The following BRD3 variants were observed in gnomAD, a reference collection of about 807,000 sequenced individuals.
The protein encoded by BRD3 is bromodomain containing 3, also known as bromodomain-containing protein 3.
In BRD3, 17 loss-of-function variants were observed where a neutral mutation model predicts 66.8. That is an observed-to-expected ratio of 0.25 (90% confidence interval 0.17 to 0.38). BRD3 has a LOEUF of 0.38. Ranked by LOEUF, BRD3 falls within the 10% of genes least tolerant of loss-of-function variation. The pLI is 1.00. For synonymous variants in BRD3, 421 were observed against 393.2 expected, an observed-to-expected ratio of 1.07 and a Z score of -0.84; for missense variants, 713 against 956.1, an observed-to-expected ratio of 0.75 and a Z score of 3.35.
intron 6 of BRD3, 121 bp downstream of exon 6, chr9:134,047,962 G>A (rs1216841500): frequency 6.0e-6 from 8 of 1,342,992 alleles, no homozygotes; most frequent in East Asian, 5.3e-5. Flanking sequence ...TGGAGGGTGC[G>A]CTTCTCCGGC....
intron 8 of BRD3, among the ~76,000 whole-genome samples, 183 bp from the exon 9 acceptor site, chr9:134,040,452 G>T (rs1160635221): frequency 2.0e-5 from 3 of 152,182 alleles, no homozygotes; most frequent in Non-Finnish European, 2.9e-5. Context: ...AGTGAGTCAT[G>T]AGCCCTCTCC....
At chr9:134,034,529 C>T (rs998802771) in intron 11 of BRD3, 172 bp downstream of exon 11, 2 of 924,550 alleles carry the variant, frequency 2.2e-6, no homozygotes, top group Admixed American at 2.8e-5. Flanking sequence ...GTATGACCCC[C>T]AGTGACAGAC....
intron 1 of BRD3, among the ~76,000 whole-genome samples, chr9:134,061,889 G>A (rs1368477168): frequency 6.6e-6 from 1 of 152,158 alleles, no homozygotes; most frequent in Non-Finnish European, 1.5e-5. Flanking sequence ...GAGTCTGTGA[G>A]AAGGGATCCC....
At chr9:134,059,801 T>C (rs1830500037) in intron 1 of BRD3, among the ~76,000 whole-genome samples, 1 of 152,188 alleles carries the variant, frequency 6.6e-6, no homozygotes, top group South Asian at 2.1e-4. Context: ...AGGGGGCTCT[T>C]TGCTGTGCGG....
At position 134,065,060 on chromosome 9, in the gene BRD3, A is replaced by G. The variant is rs113289159; in HGVS notation, c.-114+2885T>C. On this transcript the variant is annotated intron_variant, in intron 1 of 11. Coordinates refer to ENST00000303407, the MANE Select transcript of BRD3 (RefSeq NM_007371.4). ...GCAAGTTCCAAAACCTTTTACGGCAAGAAGCCTTGCATTCTACCATGATTC... is the reference window on the plus strand; with the variant it reads ...GCAAGTTCCAAAACCTTTTACGGCAGGAAGCCTTGCATTCTACCATGATTC... Among the ~76,000 whole-genome samples the G allele has an allele frequency of 3.0e-3, 454 of 152,366 alleles. 2 individuals are homozygous for G. Among genetic ancestry groups the G allele is most frequent in the Non-Finnish European group, 5.3e-3 (361 of 68,030 alleles).
At chr9:134,055,893 G>A (rs17566226) in intron 1 of BRD3, 37,098 of 152,330 alleles carry the variant, frequency 0.24, 5,128 homozygotes, top group Middle Eastern at 0.35. Context: ...TTATGCTGCC[G>A]TCAGGATCCC....
At position 134,067,546 on chromosome 9, in the gene BRD3, G is replaced by C. The variant is rs1437552265; in HGVS notation, c.-114+399C>G. On this transcript the variant is annotated intron_variant, in intron 1 of 11. Transcript: ENST00000303407. ...CCCCTTCGAAAGATGGCGGGCGGAG[G>C]AAAGGGGGAAAAAAATCCCTTCCGT... Among the ~76,000 whole-genome samples, 6 of 148,048 alleles carry C rather than the reference G, an allele frequency of 4.1e-5. No individual in the cohort carries two copies. The South Asian group carries it at 1.2e-3, about 31-fold the overall frequency.
Position 134,040,179 on chromosome 9 carries a change from T to TCTTCTCCTTCTCCTTCTTCTC in BRD3, c.1477_1497dup (p.Glu493_Lys499dup). The stretch of plus-strand genomic sequence containing the variant: ...TTCTCCTTCTCCTTGTCCTTCTTCT[T>TCTTCTCCTTCTCCTTCTTCTC]CTTCTCCTTCTCCTTCTTCTCCTTC... On this transcript the variant is annotated inframe_insertion, in exon 9 of 12. Coordinates refer to ENST00000303407, the MANE Select transcript of BRD3 (RefSeq NM_007371.4). 4 of 1,565,684 alleles carry TCTTCTCCTTCTCCTTCTTCTC rather than the reference T, an allele frequency of 2.6e-6. No individual in the cohort carries two copies. Among genetic ancestry groups the TCTTCTCCTTCTCCTTCTTCTC allele is most frequent in the Non-Finnish European group, 3.5e-6 (4 of 1,155,342 alleles).
intron 8 of BRD3, 151 bp downstream of exon 8, chr9:134,041,609 G>T: frequency 9.5e-7 from 1 of 1,054,176 alleles, no homozygotes; most frequent in Non-Finnish European, 1.3e-6. Flanking sequence ...ACCTGGGGAG[G>T]GCACTCCGAG....
chr9:134,064,564 G>A (rs1026264601), intron 1 of BRD3, among the ~76,000 whole-genome samples: 1 of 151,068 alleles, frequency 6.6e-6, no homozygotes, highest in Non-Finnish European at 1.5e-5. Flanking sequence ...AAATAAATGA[G>A]CTCTCAAGCA....
At position 134,061,902 on chromosome 9, in the gene BRD3, CCTG is replaced by C. The variant is rs1588302797; in HGVS notation, c.-114+6040_-114+6042del. Among the ~76,000 whole-genome samples, 3 of 152,322 alleles carry C rather than the reference CCTG, an allele frequency of 2.0e-5. No individual in the cohort carries two copies. The East Asian group carries it at 5.8e-4, about 29-fold the overall frequency. On this transcript the variant is annotated intron_variant, in intron 1 of 11. Coordinates refer to ENST00000303407, the MANE Select transcript of BRD3 (RefSeq NM_007371.4). The stretch of plus-strand genomic sequence containing the variant: ...CTGAGTCTGTGAGAAGGGATCCCAG[CCTG>C]CTGCCCCCACAGCCCCATCTAACCC...
intron 1 of BRD3, among the ~76,000 whole-genome samples, chr9:134,066,424 C>A (rs963304372): frequency 6.6e-6 from 1 of 152,206 alleles, no homozygotes; most frequent in Admixed American, 6.5e-5. Flanking sequence ...TCCCTAACCC[C>A]CGAGGCCAGC....
intron 3 of BRD3, among the ~76,000 whole-genome samples, 171 bp from the exon 4 acceptor site, chr9:134,051,880 GTTTTTTTTGT>G (rs1326156424): frequency 5.3e-5 from 6 of 113,660 alleles, no homozygotes; most frequent in African/African-American, 1.8e-4. Flanking sequence ...TGTGTGTGTT[GTTTTTTTTGT>G]TTTTTTTTTT....
chr9:134,053,813 C>T (rs181222499), intron 1 of BRD3: 14 of 320,900 alleles, frequency 4.4e-5, no homozygotes, highest in African/African-American at 1.7e-4. Flanking sequence ...CTCTCAGGCA[C>T]GGGAGGGAAG....
Position 134,050,389 on chromosome 9 carries a change from C to T in BRD3, c.699G>A (p.Thr233=), listed in dbSNP as rs146199216. Residue 233 remains threonine, a synonymous_variant, in exon 5 of 12, where the codon ACG becomes ACA. Coordinates refer to ENST00000303407, the MANE Select transcript of BRD3 (RefSeq NM_007371.4). The part of the protein sequence containing the change: ...ATPIVPVVPP[T]PPVVKKKGVK... ...GGGTGCTCACCTTGACGACAGGCGG[C>T]GTAGGAGGGACCACGGGGACGATGG... The T allele has an allele frequency of 2.7e-4, 440 of 1,611,110 alleles. 1 individual carries two copies. Among genetic ancestry groups the T allele is most frequent in the Middle Eastern group, 5.7e-4 (3 of 5,258 alleles).
intron 7 of BRD3, among the ~76,000 whole-genome samples, chr9:134,043,311 C>T (rs1454108777): frequency 6.6e-6 from 1 of 152,206 alleles, no homozygotes; most frequent in Non-Finnish European, 1.5e-5. Flanking sequence ...TGGACCAGGA[C>T]CTAGGCCCTC....
rs141425901 is a variant in BRD3, at chr9:134,059,437, C to A, written c.-113-5847G>T. Among the ~76,000 whole-genome samples the A allele has an allele frequency of 8.5e-5, 13 of 152,282 alleles. 1 individual carries two copies. The highest frequency in any genetic ancestry group is 3.4e-3 in the Middle Eastern group (1 of 294). Reference sequence around the variant, plus strand: ...GCAGATGGACTCAGGTGGAGTGACTCGGGCTGGAGGAAGGCAGCGGTGCCA... The same window carrying A: ...GCAGATGGACTCAGGTGGAGTGACTAGGGCTGGAGGAAGGCAGCGGTGCCA... On this transcript the variant is annotated intron_variant, in intron 1 of 11. Transcript: ENST00000303407.
chr9:134,060,032 C>G (rs1463459427), intron 1 of BRD3, among the ~76,000 whole-genome samples: 2 of 152,196 alleles, frequency 1.3e-5, no homozygotes, highest in East Asian at 3.9e-4. Flanking sequence ...GGCGGAGGCT[C>G]AGAGACCCTC....
intron 1 of BRD3, among the ~76,000 whole-genome samples, chr9:134,065,436 G>GAAAAAAAA (rs36113909): frequency 7.4e-6 from 1 of 135,562 alleles, no homozygotes. Context: ...GAGGAGAAGA[G>GAAAAAAAA]AAAAAAAAAA....
Sources: allele counts gnomAD v4.1 joint callset (sites outside exome capture counted in the v4.1 genomes callset), GRCh38; gene constraint gnomAD v4.1.1; transcripts MANE v1.5; gene names NCBI Gene and HGNC (gene_info 2026-07-23, HGNC 2026-07-21).